Variants in BCL11B observed in about 807,000 individuals in gnomAD.
BCL11B encodes BCL11 transcription factor B.
A neutral mutation model predicts 49.9 loss-of-function variants in BCL11B; 8 were observed. The observed-to-expected ratio is 0.16, with a 90% CI of 0.09 to 0.29. BCL11B has a LOEUF of 0.29. Among genes scored for constraint, BCL11B ranks in the 10% least tolerant of loss-of-function variants. BCL11B has a pLI of 1.00. For missense variants in BCL11B, 1,006 were observed against 1,351.0 expected (o/e 0.74, Z 4.00); for synonymous variants, 739 against 637.4 (o/e 1.16, Z -2.40).
intron 3 of BCL11B, among the ~76,000 whole-genome samples, chr14:99,220,876 C>T (rs1015779178): frequency 1.3e-5 from 2 of 152,034 alleles, no homozygotes; most frequent in African/African-American, 4.8e-5. Context: ...TTTTAGACAG[C>T]ATCTCGCTCT....
chr14:99,223,299 C>A (rs1566817350), intron 3 of BCL11B, among the ~76,000 whole-genome samples: 1 of 152,226 alleles, frequency 6.6e-6, no homozygotes. Flanking sequence ...TTAGCTGCTG[C>A]TTATTACATA....
Position 99,231,500 on chromosome 14 carries a change from G to T in BCL11B, c.485C>A (p.Pro162His). 1.9e-6 allele frequency: 3 copies of T among 1,600,908 alleles called. No individual in the cohort carries two copies. Among genetic ancestry groups the T allele is most frequent in the East Asian group, 2.3e-5 (1 of 44,392 alleles). ...AVAPIAASSH[P>H]HSSVITSPLR... ...AGGTGAAGTGATCACGGATGAGTGA[G>T]GGTGGGAGGAGGCAGCTATGGGGGC... The change falls in exon 3 of 4, where the codon CCT (proline) becomes CAT (histidine). Residue 162 changes from proline to histidine, a missense_variant. Around this residue, in one of 6 missense-constraint regions of BCL11B, gnomAD observed 411 missense variants for 542.2 expected, o/e 0.76. Coordinates refer to ENST00000357195, the MANE Select transcript of BCL11B (RefSeq NM_138576.4). This position sits in a 1 kb window ranked among gnomAD's most constrained non-coding sequence, Gnocchi z 8.1.
rs970143550 is a variant in BCL11B, at chr14:99,178,278, G to A, written c.641-2083C>T. On this transcript the variant is annotated intron_variant, in intron 3 of 3. Coordinates refer to ENST00000357195, the MANE Select transcript of BCL11B (RefSeq NM_138576.4). ...AAATGAAAAAGGAATTCTGAAGTTC[G>A]GCCTCATCCCTCTTAAAAACAGCTC... 5.3e-5 allele frequency among the ~76,000 whole-genome samples: 8 copies of A among 152,304 alleles called. No homozygotes were observed. The South Asian group carries it at 1.0e-3, about 20-fold the overall frequency.
At chr14:99,190,118 G>T (rs973986204) in intron 3 of BCL11B, among the ~76,000 whole-genome samples, 1 of 152,224 alleles carries the variant, frequency 6.6e-6, no homozygotes, top group Non-Finnish European at 1.5e-5. Context: ...CGACCCTACT[G>T]GGTGTCCCAA....
At chr14:99,207,496 G>C (rs1015710152) in intron 3 of BCL11B, among the ~76,000 whole-genome samples, 4 of 152,142 alleles carry the variant, frequency 2.6e-5, no homozygotes, top group Non-Finnish European at 5.9e-5. Flanking sequence ...TCCTGTTTCT[G>C]GTGGGCAAGA....
In BCL11B at chr14:99,169,648, A is replaced by C; in HGVS notation, c.*4503T>G. ...AATAAGTAATAGAAAAGGTAATAAA[A>C]ATATTTTGCCTTGCCAGTACAAATG... On this transcript the variant is annotated 3_prime_UTR_variant, in exon 4 of 4. Transcript: ENST00000357195. The C allele has an allele frequency of 4.6e-6, 1 of 215,064 alleles. No individual in the cohort carries two copies. Among genetic ancestry groups the C allele is most frequent in the Non-Finnish European group, 9.4e-6 (1 of 106,220 alleles). The allele number at this position is 215,064 out of a possible 1,614,324, so 13.3% of individuals were successfully genotyped here.
intron 3 of BCL11B, among the ~76,000 whole-genome samples, chr14:99,225,642 AAAAAAAAAGG>A (rs1325529266): frequency 6.6e-6 from 1 of 151,046 alleles, no homozygotes; most frequent in Non-Finnish European, 1.5e-5. Context: ...GACAGCTATT[AAAAAAAAAGG>A]GAAAAAAAGA....
chr14:99,173,883 G>T lies in BCL11B; in HGVS notation c.*268C>A. 1 of 491,396 alleles carries T rather than the reference G, an allele frequency of 2.0e-6. No homozygotes were observed. Among genetic ancestry groups the T allele is most frequent in the Non-Finnish European group, 3.6e-6 (1 of 277,566 alleles). 30.4% of individuals were successfully genotyped at this position (491,396 alleles called of 1,614,324 possible). A position where few individuals can be genotyped will look rare whatever the true frequency, so the allele number is the denominator to read the frequency against. On this transcript the variant is annotated 3_prime_UTR_variant, in exon 4 of 4. Transcript: ENST00000357195. ...CAAACAGAAAAAATAATAATAAAAAGTACCTGCACATGCCAAAAAAATTAC... is the reference window on the plus strand; with the variant it reads ...CAAACAGAAAAAATAATAATAAAAATTACCTGCACATGCCAAAAAAATTAC...
intron 1 of BCL11B, chr14:99,264,036 A>T (rs1889411011): frequency 6.6e-6 from 1 of 152,256 alleles, no homozygotes; most frequent in Admixed American, 6.5e-5. Flanking sequence ...AATGCCTTCA[A>T]TCTTCAGAGC....
At chr14:99,181,800 G>T (rs1169927233) in intron 3 of BCL11B, among the ~76,000 whole-genome samples, 1 of 152,160 alleles carries the variant, frequency 6.6e-6, no homozygotes, top group Non-Finnish European at 1.5e-5. Context: ...GCCCCCTGTG[G>T]CAGCTCCCTT....
intron 3 of BCL11B, among the ~76,000 whole-genome samples, chr14:99,183,992 C>G (rs1886783225): frequency 6.6e-6 from 1 of 152,164 alleles, no homozygotes; most frequent in Admixed American, 6.5e-5. Context: ...AGAACCAAGA[C>G]AGTATGCCAC....
At chr14:99,186,148 A>G (rs1886846430) in intron 3 of BCL11B, among the ~76,000 whole-genome samples, 1 of 152,212 alleles carries the variant, frequency 6.6e-6, no homozygotes, top group Non-Finnish European at 1.5e-5. Context: ...TGTGGAACCC[A>G]GAGGAGGGAG....
intron 3 of BCL11B, among the ~76,000 whole-genome samples, chr14:99,211,083 G>A (rs1887674680): frequency 6.6e-6 from 1 of 152,186 alleles, no homozygotes; most frequent in South Asian, 2.1e-4. Context: ...CCCGTCCTGA[G>A]CCATCCACAC....
In BCL11B at chr14:99,228,941, CGGATGGGTGGAT is replaced by C. The variant is rs1477452505; in HGVS notation, c.640+2392_640+2403del. On this transcript the variant is annotated intron_variant, in intron 3 of 3. Transcript: ENST00000357195. The surrounding 1 kb of genome is among the most constrained non-coding windows in gnomAD (Gnocchi z 4.8). ...ATGGATGGATGGATGGATGGATGAA[CGGATGGGTGGAT>C]GGATGGATGCATGGATGGATGCATG... is the stretch of plus-strand genomic sequence containing the variant. 8.0e-5 allele frequency among the ~76,000 whole-genome samples: 12 copies of C among 149,592 alleles called. No individual in the cohort carries two copies. The highest frequency in any genetic ancestry group is 3.0e-4 in the African/African-American group (12 of 40,584).
Position 99,231,588 on chromosome 14 carries a change from A to T in BCL11B, c.428-31T>A. On this transcript the variant is annotated intron_variant, in intron 2 of 3. Transcript: ENST00000357195. This position sits in a 1 kb window ranked among gnomAD's most constrained non-coding sequence, Gnocchi z 8.1. Reference sequence around the variant, plus strand: ...GAAAAAACAATAGAAAAGACTGGTCAGTCGGGCCCTGGACTGTGTGAGGGG... The same window carrying T: ...GAAAAAACAATAGAAAAGACTGGTCTGTCGGGCCCTGGACTGTGTGAGGGG... The T allele has an allele frequency of 6.5e-7, 1 of 1,527,756 alleles. No individual in the cohort carries two copies. 94.6% of individuals were successfully genotyped at this position (1,527,756 alleles called of 1,614,324 possible).
In BCL11B at chr14:99,174,836, C is replaced by A; in HGVS notation, c.2000G>T (p.Gly667Val). The part of the protein sequence containing the change: ...GFAPGTEPFP[G>V]LFPRKPAPLP... The stretch of plus-strand genomic sequence containing the variant: ...CGGCGCGGGCTTGCGCGGGAAGAGC[C>A]CGGGGAAGGGCTCGGTGCCTGGCGC... The change falls in exon 4 of 4, where the codon GGG becomes GTG. Residue 667 changes from glycine (G) to valine (V), a missense_variant. By Grantham distance (109) the Gly-to-Val change is moderately radical. This residue lies in a region of BCL11B where 443 missense variants were observed against 499.7 expected (regional missense o/e 0.89). Coordinates refer to ENST00000357195, the MANE Select transcript of BCL11B (RefSeq NM_138576.4). The A allele has an allele frequency of 7.5e-7, 1 of 1,329,232 alleles. No homozygotes were observed. Among genetic ancestry groups the A allele is most frequent in the Non-Finnish European group, 9.6e-7 (1 of 1,040,168 alleles). 82.3% of individuals were successfully genotyped at this position (1,329,232 alleles called of 1,614,324 possible). A position where few individuals can be genotyped will look rare whatever the true frequency, so the allele number is the denominator to read the frequency against.
In BCL11B at chr14:99,174,789, T is replaced by C; in HGVS notation, c.2047A>G (p.Ser683Gly). 5 of 1,452,236 alleles carry C rather than the reference T, an allele frequency of 3.4e-6. No homozygotes were observed. The highest frequency in any genetic ancestry group is 4.5e-6 in the Non-Finnish European group (5 of 1,102,790). The allele number at this position is 1,452,236 out of a possible 1,614,324, so 90.0% of individuals were successfully genotyped here. ...PAPLPSPGLN[S>G]AAKRIKVEKD... Reference sequence around the variant, plus strand: ...TCCACCTTGATGCGCTTGGCGGCGCTGTTGAGCCCGGGGCTGGGCAGCGGC... The same window carrying C: ...TCCACCTTGATGCGCTTGGCGGCGCCGTTGAGCCCGGGGCTGGGCAGCGGC... Residue 683 changes from serine to glycine, a missense_variant, in exon 4 of 4, where the codon AGC becomes GGC. By Grantham distance (56) the Ser-to-Gly change is moderately conservative (BLOSUM62 0). Transcript: ENST00000357195.
chr14:99,175,601 A>G lies in BCL11B; in HGVS notation c.1235T>C (p.Met412Thr), dbSNP rs966792383. The change falls in exon 4 of 4, where the codon ATG becomes ACG. Residue 412 changes from methionine to threonine, a missense_variant. Transcript: ENST00000357195. ...CGGGGGCGGCGTGCCGCCAGGGGGC[A>G]TGGGCGGCAGCGGCGGCGTGCTCAG... is the stretch of plus-strand genomic sequence containing the variant. ...PFLSTPPLPP[M>T]PPGGTPPPQP... 1 of 1,571,642 alleles carries G rather than the reference A, an allele frequency of 6.4e-7. No homozygotes were observed. Among genetic ancestry groups the G allele is most frequent in the Non-Finnish European group, 8.6e-7 (1 of 1,164,102 alleles).
intron 3 of BCL11B, among the ~76,000 whole-genome samples, chr14:99,189,545 C>T (rs1886960907): frequency 6.6e-6 from 1 of 152,242 alleles, no homozygotes; most frequent in Non-Finnish European, 1.5e-5. Context: ...TACACCCACG[C>T]TCCTAACACG....
Sources: gnomAD v4.1 joint callset for allele counts (sites outside exome capture counted in the v4.1 genomes callset) on GRCh38, gnomAD v4.1.1 for gene constraint, gnomAD v4.1.1 regional missense constraint, Gnocchi (gnomAD v3.1) non-coding constraint, MANE v1.5 for transcripts, NCBI Gene and HGNC (gene_info 2026-07-23, HGNC 2026-07-21) for gene names.